Variants in CRISP2 observed in about 807,000 individuals in gnomAD.
The protein encoded by CRISP2 is cysteine rich secretory protein 2, also known as cysteine-rich secretory protein 2.
In CRISP2, 29 loss-of-function variants were observed where a neutral mutation model predicts 31.7. The ratio of observed to expected loss-of-function variants is 0.92; its 90% CI spans 0.68 to 1.25. CRISP2 has a LOEUF of 1.25. Among genes scored for constraint, CRISP2 ranks in the 50% most tolerant of loss-of-function variants. The pLI, the probability that CRISP2 is intolerant of heterozygous loss-of-function variation, is 0.00. For synonymous variants in CRISP2, 111 were observed against 101.4 expected (o/e 1.09, Z -0.57); for missense variants, 318 against 286.5 (o/e 1.11, Z -0.79).
chr6:49,678,179 CACA>C, the CRISP2 span, among the ~76,000 whole-genome samples: 3 of 152,140 alleles, frequency 2.0e-5, no homozygotes, highest in Admixed American at 6.6e-5. Context: ...AACAATTCAA[CACA>C]ACAAGTATAC....
chr6:49,700,612 C>T (rs1188615859), intron 5 of CRISP2, 56 bp downstream of exon 5: 5 of 1,033,756 alleles, frequency 4.8e-6, no homozygotes, highest in Non-Finnish European at 4.5e-6. Context: ...AGTGGCCAGC[C>T]GTCGGCTCCT....
intron 5 of CRISP2, 86 bp from the exon 6 acceptor site, chr6:49,699,977 A>C (rs1765386549): frequency 8.4e-7 from 1 of 1,195,140 alleles, no homozygotes; most frequent in Non-Finnish European, 1.2e-6. Flanking sequence ...AAATACTTTA[A>C]AATTTCTGTA....
At position 49,692,466 on chromosome 6, in the gene CRISP2, A is replaced by G. The variant is rs1430231719; in HGVS notation, c.*307T>C. The G allele has an allele frequency of 5.0e-6, 1 of 199,334 alleles. No homozygotes were observed. The highest frequency in any genetic ancestry group is 1.0e-5 in the Non-Finnish European group (1 of 98,824). 12.3% of individuals were successfully genotyped at this position (199,334 alleles called of 1,614,324 possible). The stretch of plus-strand genomic sequence containing the variant: ...TTTAGCATGTTTCAGGAAATACGTA[A>G]TGCACCATTTTGATCCAAAGTCCTA... On this transcript the variant is annotated 3_prime_UTR_variant, in exon 10 of 10. Coordinates refer to ENST00000339139, the MANE Select transcript of CRISP2 (RefSeq NM_003296.4).
chr6:49,701,993 ATAT>A (rs1286281879), intron 4 of CRISP2, among the ~76,000 whole-genome samples: 4 of 64,582 alleles, frequency 6.2e-5, no homozygotes, highest in East Asian at 4.3e-4. Flanking sequence ...ATAATATAAT[ATAT>A]TATATTATAC....
the CRISP2 span, among the ~76,000 whole-genome samples, chr6:49,680,699 T>C: frequency 6.6e-6 from 1 of 152,226 alleles, no homozygotes; most frequent in Non-Finnish European, 1.5e-5. Context: ...CTATTCTGAC[T>C]GGTGTGAGAC....
At chr6:49,683,681 AAAAAAAAAAAAAAATATATATATATATAT>A in the CRISP2 span, among the ~76,000 whole-genome samples, 3 of 52,260 alleles carry the variant, frequency 5.7e-5, no homozygotes, top group Admixed American at 2.9e-4. Context: ...AAAAAAAAAA[AAAAAAAAAAAAAAATATATATATATATAT>A]ATATATATAT....
chr6:49,693,034 A>T, intron 9 of CRISP2, 134 bp from the exon 10 acceptor site: 3 of 801,816 alleles, frequency 3.7e-6, no homozygotes, highest in Non-Finnish European at 6.0e-6. Flanking sequence ...TGGGTCTTTC[A>T]TGTCTTTATG....
At chr6:49,691,820 G>C (rs553744048), downstream of CRISP2, among the ~76,000 whole-genome samples, 148 of 152,072 alleles carry the variant, frequency 9.7e-4, no homozygotes, top group Non-Finnish European at 8.4e-4. Context: ...TTCCTTAATG[G>C]TTATAGGATG....
At chr6:49,684,804 A>G in the CRISP2 span, among the ~76,000 whole-genome samples, 3 of 152,168 alleles carry the variant, frequency 2.0e-5, no homozygotes, top group African/African-American at 7.2e-5. Flanking sequence ...TGCCACATAC[A>G]TACACACACT....
the CRISP2 span, among the ~76,000 whole-genome samples, chr6:49,683,927 A>C: frequency 6.6e-6 from 1 of 151,678 alleles, no homozygotes; most frequent in African/African-American, 2.4e-5. Flanking sequence ...TTTTTCATTC[A>C]AGCTATGAGC....
intron 9 of CRISP2, among the ~76,000 whole-genome samples, 186 bp from the exon 10 acceptor site, chr6:49,693,086 A>G (rs574412054): frequency 6.6e-6 from 1 of 152,182 alleles, no homozygotes; most frequent in African/African-American, 2.4e-5. Context: ...ACATTTTCTT[A>G]ATCCAGTCTA....
At chr6:49,684,507 G>T in the CRISP2 span, among the ~76,000 whole-genome samples, 1 of 152,168 alleles carries the variant, frequency 6.6e-6, no homozygotes, top group Non-Finnish European at 1.5e-5. Flanking sequence ...AAGGAATTCA[G>T]CATGGCCCCT....
chr6:49,691,357 G>T (rs528449833), downstream of CRISP2, among the ~76,000 whole-genome samples: 1 of 152,020 alleles, frequency 6.6e-6, no homozygotes, highest in East Asian at 1.9e-4. Context: ...ATGAAGAAAC[G>T]CTCATCTTGT....
chr6:49,712,397 G>GA (rs1319174485), intron 2 of CRISP2, 104 bp downstream of exon 2: 1 of 151,992 alleles, frequency 6.6e-6, no homozygotes, highest in African/African-American at 2.4e-5. Flanking sequence ...TATATTCAAG[G>GA]AAAAATATTT....
At chr6:49,706,797 T>C (rs1767110479) in intron 4 of CRISP2, among the ~76,000 whole-genome samples, 1 of 152,222 alleles carries the variant, frequency 6.6e-6, no homozygotes, top group Non-Finnish European at 1.5e-5. Context: ...GAGCATCTTA[T>C]TGCCATTATC....
the CRISP2 span, among the ~76,000 whole-genome samples, chr6:49,687,094 C>T: frequency 6.6e-6 from 1 of 151,986 alleles, no homozygotes; most frequent in Non-Finnish European, 1.5e-5. Context: ...GGAGATATAC[C>T]TAATGCTAAA....
chr6:49,679,015 G>A, the CRISP2 span, among the ~76,000 whole-genome samples: 14 of 152,082 alleles, frequency 9.2e-5, no homozygotes, highest in African/African-American at 3.4e-4. Flanking sequence ...CAAGTATTCT[G>A]TTAACATTTA....
At chr6:49,713,170 A>G (rs1768340321) in intron 1 of CRISP2, among the ~76,000 whole-genome samples, 1 of 152,176 alleles carries the variant, frequency 6.6e-6, no homozygotes, top group Admixed American at 6.5e-5. Context: ...GCAGATTGAG[A>G]AATGACTTCA....
At chr6:49,700,004 C>G in intron 5 of CRISP2, 113 bp from the exon 6 acceptor site, 1 of 873,678 alleles carries the variant, frequency 1.1e-6, no homozygotes, top group South Asian at 1.7e-5. Flanking sequence ...TTCTCTAATA[C>G]TACTGTTATT....
Sources: gnomAD v4.1 joint callset for allele counts (sites outside exome capture counted in the v4.1 genomes callset) on GRCh38, gnomAD v4.1.1 for gene constraint, MANE v1.5 for transcripts, NCBI Gene and HGNC (gene_info 2026-07-23, HGNC 2026-07-21) for gene names.